The following GHR variants were observed in gnomAD, a reference collection of about 807,000 sequenced individuals.
GHR encodes the protein growth hormone receptor.
A neutral mutation model predicts 67.1 loss-of-function variants in GHR; 35 were observed. That is an observed-to-expected ratio of 0.52 (90% CI 0.40 to 0.69). The LOEUF (loss-of-function observed/expected upper bound fraction) is 0.69, where lower values mean the gene tolerates loss of function less well. Among genes scored for constraint, GHR ranks in the 30% least tolerant of loss-of-function variants. The pLI, the probability that GHR is intolerant of heterozygous loss-of-function variation, is 0.00. For synonymous variants in GHR, 272 were observed against 269.1 expected (o/e 1.01, Z -0.10); for missense variants, 792 against 764.6 (o/e 1.04, Z -0.42).
intron 6 of GHR, among the ~76,000 whole-genome samples, chr5:42,710,306 C>A (rs181747910): frequency 6.4e-4 from 97 of 152,002 alleles, no homozygotes; most frequent in Non-Finnish European, 1.2e-3. Context: ...TTTGTTTATG[C>A]GAAAATCCAT....
rs1251177020 is a variant in GHR, at chr5:42,719,201, T to G, written c.1694T>G (p.Ile565Ser). ...HIQPSLNQEDIYITTESLTTA... is the reference protein window; with the variant it reads ...HIQPSLNQEDSYITTESLTTA... ...CAGCCAAGCTTAAACCAAGAGGACA[T>G]TTACATCACCACAGAAAGCCTTACC... is the stretch of plus-strand genomic sequence containing the variant. The change falls in exon 10 of 10, where the codon ATT becomes AGT. Residue 565 changes from isoleucine to serine, a missense_variant. Coordinates refer to ENST00000230882, the MANE Select transcript of GHR (RefSeq NM_000163.5). 4 of 1,613,910 alleles carry G rather than the reference T, an allele frequency of 2.5e-6. No individual in the cohort carries two copies. In the South Asian group the frequency reaches 4.4e-5, roughly 18 times the overall value.
intron 1 of GHR, among the ~76,000 whole-genome samples, chr5:42,448,991 A>G (rs1206625540): frequency 6.6e-6 from 1 of 152,166 alleles, no homozygotes. Context: ...CCATTGGCCT[A>G]TGTGACTATT....
At chr5:42,478,575 A>G (rs940294250) in intron 1 of GHR, among the ~76,000 whole-genome samples, 3 of 152,128 alleles carry the variant, frequency 2.0e-5, no homozygotes, top group African/African-American at 7.2e-5. Flanking sequence ...AGTGGTTTGT[A>G]GTTCTCCTTG....
chr5:42,671,468 G>A (rs1035494201), intron 3 of GHR, among the ~76,000 whole-genome samples: 1 of 151,594 alleles, frequency 6.6e-6, no homozygotes, highest in Admixed American at 6.6e-5. Flanking sequence ...GATTTGAACA[G>A]ATACAAATAT....
chr5:42,663,242 T>A (rs1755751574), intron 3 of GHR, among the ~76,000 whole-genome samples: 1 of 152,352 alleles, frequency 6.6e-6, no homozygotes, highest in African/African-American at 2.4e-5. Context: ...TAACTCATTT[T>A]ATGAGGCCAG....
Position 42,718,901 on chromosome 5 carries a change from A to G in GHR, c.1394A>G (p.Glu465Gly), listed in dbSNP as rs1464308764. 6.2e-7 allele frequency: 1 copy of G among 1,614,150 alleles called. No homozygotes were observed. Among genetic ancestry groups the G allele is most frequent in the East Asian group, 2.2e-5 (1 of 44,876 alleles). ...KPQPLPTEGA[E>G]STHQAAHIQL... ...CAACCACTTCCTACTGAAGGAGCTG[A>G]GTCAACTCACCAAGCTGCCCATATT... The change falls in exon 10 of 10, where the codon GAG becomes GGG. Residue 465 changes from glutamate to glycine, a missense_variant. Glu to Gly is a moderately conservative substitution (Grantham distance 98). Transcript: ENST00000230882.
chr5:42,529,999 CTTTTTTTTTTTT>C (rs376534691), intron 1 of GHR, among the ~76,000 whole-genome samples: 1 of 57,568 alleles, frequency 1.7e-5, no homozygotes, highest in Non-Finnish European at 3.3e-5. Context: ...TGAATCACTT[CTTTTTTTTTTTT>C]TTTTTTTTTT....
chr5:42,570,280 G>A (rs943050834), intron 2 of GHR, among the ~76,000 whole-genome samples: 1 of 152,162 alleles, frequency 6.6e-6, no homozygotes, highest in East Asian at 1.9e-4. Flanking sequence ...ATAATCCAGA[G>A]GCAAGAAGAA....
At chr5:42,548,564 T>C in intron 1 of GHR, 1 of 883,438 alleles carries the variant, frequency 1.1e-6, no homozygotes, top group Middle Eastern at 5.7e-4. Context: ...ATTGTTTGAT[T>C]AAAAGGCTGA....
intron 1 of GHR, among the ~76,000 whole-genome samples, chr5:42,488,849 AT>A (rs1459661700): frequency 6.6e-6 from 1 of 152,190 alleles, no homozygotes; most frequent in Admixed American, 6.6e-5. Context: ...TGCATGGATT[AT>A]TTTATTTACT....
chr5:42,584,035 C>T (rs930238238), intron 2 of GHR, among the ~76,000 whole-genome samples: 1 of 151,798 alleles, frequency 6.6e-6, no homozygotes, highest in African/African-American at 2.4e-5. Context: ...CTTCTTTTTT[C>T]CAGGAGACAC....
At chr5:42,441,577 T>C (rs957312295) in intron 1 of GHR, among the ~76,000 whole-genome samples, 51 of 152,202 alleles carry the variant, frequency 3.4e-4, no homozygotes, top group African/African-American at 1.2e-3. Flanking sequence ...TGGCACGATC[T>C]TGGCTCACTG....
chr5:42,524,840 C>T (rs1247711541), intron 1 of GHR, among the ~76,000 whole-genome samples: 2 of 152,220 alleles, frequency 1.3e-5, no homozygotes, highest in Non-Finnish European at 1.5e-5. Flanking sequence ...CAGGCTGTGG[C>T]TTCAGAGGGT....
intron 1 of GHR, among the ~76,000 whole-genome samples, chr5:42,534,040 T>G (rs553744191): frequency 4.7e-5 from 7 of 149,370 alleles, no homozygotes; most frequent in African/African-American, 1.8e-4. Flanking sequence ...CCATCATATA[T>G]ATATAGTATA....
intron 1 of GHR, among the ~76,000 whole-genome samples, chr5:42,488,620 A>C (rs1398196906): frequency 6.6e-6 from 1 of 152,164 alleles, no homozygotes; most frequent in Non-Finnish European, 1.5e-5. Flanking sequence ...ATATGTATTA[A>C]TAGGGAAGAC....
At chr5:42,627,000 C>T (rs1206983044) in intron 2 of GHR, among the ~76,000 whole-genome samples, 1 of 152,154 alleles carries the variant, frequency 6.6e-6, no homozygotes, top group East Asian at 1.9e-4. Flanking sequence ...AGTGACACTA[C>T]ATTCATCATT....
intron 1 of GHR, among the ~76,000 whole-genome samples, chr5:42,528,907 G>A (rs1020271618): frequency 2.6e-5 from 4 of 152,096 alleles, no homozygotes; most frequent in African/African-American, 7.2e-5. Flanking sequence ...ATGATGATTA[G>A]CATTTTTAGC....
Position 42,701,354 on chromosome 5 carries a change from C to T in GHR, c.618+1352C>T, listed in dbSNP as rs189238200. ...AAAAATTGTTAATTTTACTAAACCTCGACCTTTGAGTACATAGCTTATTAA... is the reference window on the plus strand; with the variant it reads ...AAAAATTGTTAATTTTACTAAACCTTGACCTTTGAGTACATAGCTTATTAA... On this transcript the variant is annotated intron_variant, in intron 6 of 9. Coordinates refer to ENST00000230882, the MANE Select transcript of GHR (RefSeq NM_000163.5). 5.6e-4 allele frequency among the ~76,000 whole-genome samples: 86 copies of T among 152,252 alleles called. 1 individual carries two copies. The highest frequency in any genetic ancestry group is 1.1e-3 in the African/African-American group (44 of 41,532).
intron 2 of GHR, among the ~76,000 whole-genome samples, chr5:42,591,728 C>A (rs1404693407): frequency 6.6e-6 from 1 of 152,162 alleles, no homozygotes; most frequent in Non-Finnish European, 1.5e-5. Flanking sequence ...AGCCCCCTTA[C>A]CCTCCTGCCC....
Sources: allele counts gnomAD v4.1 joint callset (sites outside exome capture counted in the v4.1 genomes callset), GRCh38; gene constraint gnomAD v4.1.1; transcripts MANE v1.5; gene names NCBI Gene and HGNC (gene_info 2026-07-23, HGNC 2026-07-21).